Variants in ABCC4 observed in about 807,000 individuals in gnomAD.
The protein encoded by ABCC4 is ATP-binding cassette sub-family C member 4.
ABCC4 carries 102 observed loss-of-function variants against 168.5 expected under a neutral mutation model. The ratio of observed to expected loss-of-function variants is 0.61; its 90% CI spans 0.52 to 0.71. The LOEUF (loss-of-function observed/expected upper bound fraction) is 0.71. ABCC4 is among the 30% of genes least tolerant of loss of function. ABCC4 has a pLI of 0.00. For missense variants in ABCC4, 1,402 were observed against 1,605.8 expected (o/e 0.87, Z 2.17); for synonymous variants, 617 against 590.7 (o/e 1.04, Z -0.65).
intron 20 of ABCC4, among the ~76,000 whole-genome samples, chr13:95,100,826 G>A (rs904659837): frequency 7.2e-5 from 11 of 152,232 alleles, no homozygotes; most frequent in Admixed American, 3.3e-4. Flanking sequence ...CCTAACTAAC[G>A]ATCTCTTTTG....
chr13:95,232,368 G>T (rs1341059336), intron 4 of ABCC4, among the ~76,000 whole-genome samples: 1 of 152,116 alleles, frequency 6.6e-6, no homozygotes, highest in Admixed American at 6.6e-5. Flanking sequence ...TGACAACGAG[G>T]TCAAAGAAGA....
At chr13:95,099,927 T>A (rs1435325016) in intron 20 of ABCC4, among the ~76,000 whole-genome samples, 2 of 152,234 alleles carry the variant, frequency 1.3e-5, no homozygotes, top group Admixed American at 6.5e-5. Context: ...AAATAGTGAC[T>A]GCAAGATTTT....
At chr13:95,075,337 G>GAGGTGCCTGCC in intron 22 of ABCC4, 95 bp downstream of exon 22, 1 of 1,542,446 alleles carries the variant, frequency 6.5e-7, no homozygotes. Context: ...GCTGGGCCCT[G>GAGGTGCCTGCC]AGGTGCCTGC....
chr13:95,219,840 C>G (rs1003188047), intron 4 of ABCC4, among the ~76,000 whole-genome samples: 1 of 146,848 alleles, frequency 6.8e-6, no homozygotes, highest in Middle Eastern at 3.5e-3. Context: ...TCTTTTTTAT[C>G]ATGTTTTTCT....
At chr13:95,217,449 C>T (rs900626219) in intron 4 of ABCC4, among the ~76,000 whole-genome samples, 5 of 152,042 alleles carry the variant, frequency 3.3e-5, no homozygotes, top group Non-Finnish European at 7.4e-5. Flanking sequence ...ACAGAAGATG[C>T]GGCTGGGCAC....
intron 18 of ABCC4, 77 bp from the exon 19 acceptor site, chr13:95,161,412 T>C (rs2037096493): frequency 8.2e-7 from 1 of 1,217,802 alleles, no homozygotes; most frequent in African/African-American, 1.5e-5. Flanking sequence ...GCAAGCCAGG[T>C]AGTTTATAAA....
chr13:95,164,050 AAAAAAAAG>A (rs1225226844), intron 16 of ABCC4, among the ~76,000 whole-genome samples: 4 of 134,440 alleles, frequency 3.0e-5, no homozygotes, highest in African/African-American at 8.0e-5. Context: ...CAAAAAAAAA[AAAAAAAAG>A]AAAGAAAGAA....
chr13:95,139,575 C>T (rs965675553), intron 19 of ABCC4, among the ~76,000 whole-genome samples: 23 of 152,120 alleles, frequency 1.5e-4, no homozygotes, highest in African/African-American at 4.1e-4. Context: ...AGAAATAGCA[C>T]GCATATGTAT....
intron 24 of ABCC4, among the ~76,000 whole-genome samples, chr13:95,072,644 A>G (rs1458121080): frequency 6.6e-6 from 1 of 152,192 alleles, no homozygotes; most frequent in Non-Finnish European, 1.5e-5. Context: ...AAATATTTAA[A>G]ACATTGATTA....
rs140061017 is a variant in ABCC4, at chr13:95,215,305, G to A, written c.532-4524C>T. Among the ~76,000 whole-genome samples the A allele has an allele frequency of 5.2e-3, 786 of 152,218 alleles. 7 individuals carry two copies. The highest frequency in any genetic ancestry group is 0.018 in the African/African-American group (736 of 41,512). On this transcript the variant is annotated intron_variant, in intron 4 of 30. Transcript: ENST00000645237. ...TAGACCCAGCTACTCGGGGGCTGAC[G>A]TGGGAGAATCGCTTGAACCCACGAG... is the stretch of plus-strand genomic sequence containing the variant.
In ABCC4 at chr13:95,211,913, C is replaced by T. The variant is rs1450091128; in HGVS notation, c.532-1132G>A. Among the ~76,000 whole-genome samples, 3 of 152,056 alleles carry T rather than the reference C, an allele frequency of 2.0e-5. No individual in the cohort carries two copies. The East Asian group carries it at 5.8e-4, about 29-fold the overall frequency. On this transcript the variant is annotated intron_variant, in intron 4 of 30. Coordinates refer to ENST00000645237, the MANE Select transcript of ABCC4 (RefSeq NM_005845.5). The stretch of plus-strand genomic sequence containing the variant: ...GTTAAAAAATGGCCGGGCGCGGTGG[C>T]TCACACCTGTAATCCCAGCACTTAG...
At chr13:95,092,501 T>C (rs9590179) in intron 20 of ABCC4, among the ~76,000 whole-genome samples, 11,596 of 152,178 alleles carry the variant, frequency 0.076, 556 homozygotes, top group African/African-American at 0.13. Flanking sequence ...GAAATCAAGA[T>C]GGAAATTAAA....
chr13:95,030,659 C>A lies in ABCC4; in HGVS notation c.3870+3946G>T, dbSNP rs556253055. On this transcript the variant is annotated intron_variant, in intron 30 of 30. Transcript: ENST00000645237. Reference sequence around the variant, plus strand: ...ATACACAGAGAAAAGACCCCGTGAACAGACCCCGTGAACATATAGCCATCT... The same window carrying A: ...ATACACAGAGAAAAGACCCCGTGAAAAGACCCCGTGAACATATAGCCATCT... Among the ~76,000 whole-genome samples, 23 of 152,182 alleles carry A rather than the reference C, an allele frequency of 1.5e-4. No individual in the cohort carries two copies. In the East Asian group the frequency reaches 4.5e-3, roughly 29 times the overall value.
chr13:95,290,139 GATAGA>G (rs1566604100), intron 1 of ABCC4, among the ~76,000 whole-genome samples: 1 of 151,796 alleles, frequency 6.6e-6, no homozygotes, highest in African/African-American at 2.4e-5. Context: ...TAGATAGATA[GATAGA>G]TAGATGATAG....
chr13:95,278,807 A>G (rs926196825), intron 1 of ABCC4, among the ~76,000 whole-genome samples: 8 of 24,254 alleles, frequency 3.3e-4, no homozygotes, highest in Non-Finnish European at 8.2e-4. Context: ...CCTGTCTCGG[A>G]AAAAAAAAAA....
chr13:95,265,515 A>T (rs982475135), intron 1 of ABCC4, among the ~76,000 whole-genome samples: 1 of 152,246 alleles, frequency 6.6e-6, no homozygotes, highest in Non-Finnish European at 1.5e-5. Flanking sequence ...TCATGCCTGT[A>T]ATCCCAACAC....
intron 20 of ABCC4, among the ~76,000 whole-genome samples, chr13:95,094,469 T>C (rs527858312): frequency 2.0e-5 from 3 of 152,088 alleles, no homozygotes; most frequent in Non-Finnish European, 2.9e-5. Flanking sequence ...TAGCCACATG[T>C]AGGAGAATGA....
At chr13:95,170,327 T>C (rs2037423965) in intron 14 of ABCC4, 1 of 445,956 alleles carries the variant, frequency 2.2e-6, no homozygotes, top group Non-Finnish European at 4.0e-6. Context: ...TTTAACAATG[T>C]AGTAACCTTG....
intron 4 of ABCC4, among the ~76,000 whole-genome samples, chr13:95,231,497 G>A (rs73546813): frequency 0.019 from 2,940 of 152,228 alleles, 100 homozygotes; most frequent in African/African-American, 0.067. Flanking sequence ...ATCAGGATAT[G>A]GGGGCCTCAG....
Sources: gnomAD v4.1 joint callset for allele counts (sites outside exome capture counted in the v4.1 genomes callset) on GRCh38, gnomAD v4.1.1 for gene constraint, MANE v1.5 for transcripts, NCBI Gene and HGNC (gene_info 2026-07-23, HGNC 2026-07-21) for gene names.